The following EPB41L4A variants were observed in gnomAD, a reference collection of about 807,000 sequenced individuals.
The protein encoded by EPB41L4A is erythrocyte membrane protein band 4.1 like 4A, also known as band 4.1-like protein 4A.
Under a neutral mutation model 108.6 loss-of-function variants are expected in EPB41L4A, and 100 were observed. That is an observed-to-expected ratio of 0.92 (90% CI 0.78 to 1.09). EPB41L4A has a LOEUF of 1.09. EPB41L4A is among the 50% of genes least tolerant of loss of function. EPB41L4A has a pLI of 0.00. For missense variants in EPB41L4A, 1,030 were observed against 842.7 expected (o/e 1.22, Z -2.75); for synonymous variants, 319 against 289.0 (o/e 1.10, Z -1.05).
chr5:112,190,423 G>A (rs1761638663), intron 17 of EPB41L4A, among the ~76,000 whole-genome samples: 1 of 152,146 alleles, frequency 6.6e-6, no homozygotes, highest in Admixed American at 6.5e-5. Context: ...ATTTCATGGG[G>A]TTATGAAACC....
rs1320788865 is a variant in EPB41L4A at position 112,154,489 on chromosome 5, C to A, written n.994+3912G>T. 2.0e-5 allele frequency among the ~76,000 whole-genome samples: 3 copies of A among 151,902 alleles called. No homozygotes were observed. In the South Asian group the frequency reaches 6.2e-4, roughly 32 times the overall value. ...AAACATTATCTTAAAATCAAATGCC[C>A]ACAATAAAGAGATAGTTTTTTCTTC... On this transcript the variant is annotated intron_variant and non_coding_transcript_variant, in intron 12 of 13. Coordinates refer to the EPB41L4A transcript ENST00000507810.
intron 13 of EPB41L4A, chr5:112,145,879 A>C (rs973527370): frequency 6.6e-6 from 3 of 455,172 alleles, no homozygotes; most frequent in African/African-American, 6.0e-5. Flanking sequence ...AATTACACTT[A>C]CATCCCAGCC....
At position 112,307,493 on chromosome 5, in the gene EPB41L4A, G is replaced by A; in HGVS notation, c.100-3C>T. The A allele has an allele frequency of 1.2e-6, 2 of 1,603,408 alleles. No individual in the cohort carries two copies. The highest frequency in any genetic ancestry group is 1.7e-6 in the Non-Finnish European group (2 of 1,171,008). On this transcript the variant is annotated splice_polypyrimidine_tract_variant and splice_region_variant and intron_variant, in intron 1 of 22. Transcript: ENST00000261486. ...ACAACGGAACCTTTCGTTGACTTCTGCAAAAATAATTCAGTTTTATATTTT... is the reference window on the plus strand; with the variant it reads ...ACAACGGAACCTTTCGTTGACTTCTACAAAAATAATTCAGTTTTATATTTT...
At chr5:112,221,775 G>T (rs968260451) in intron 12 of EPB41L4A, among the ~76,000 whole-genome samples, 2 of 152,154 alleles carry the variant, frequency 1.3e-5, no homozygotes, top group African/African-American at 4.8e-5. Flanking sequence ...CTAAAGCTGT[G>T]ATTTTAACTT....
At chr5:112,178,225 G>T (rs369170639) in intron 18 of EPB41L4A, among the ~76,000 whole-genome samples, 2 of 152,064 alleles carry the variant, frequency 1.3e-5, no homozygotes, top group African/African-American at 4.8e-5. Context: ...AGTATTGCCA[G>T]AATAAAGGGT....
chr5:112,169,155 G>A, intron 20 of EPB41L4A, 50 bp from the exon 21 acceptor site: 2 of 1,311,456 alleles, frequency 1.5e-6, no homozygotes, highest in South Asian at 1.2e-5. Context: ...AGTCAGAAAA[G>A]GAAAAGTAGG....
chr5:112,410,012 A>G (rs1762318567), intron 1 of EPB41L4A, among the ~76,000 whole-genome samples: 1 of 152,198 alleles, frequency 6.6e-6, no homozygotes, highest in African/African-American at 2.4e-5. Flanking sequence ...AATGAAATGC[A>G]GTCTGGATTA....
intron 1 of EPB41L4A, among the ~76,000 whole-genome samples, chr5:112,327,905 C>T (rs1375969155): frequency 3.3e-5 from 5 of 152,180 alleles, no homozygotes; most frequent in East Asian, 1.9e-4. Context: ...TTCTACCATA[C>T]ATTTTCACTA....
intron 12 of EPB41L4A, among the ~76,000 whole-genome samples, chr5:112,153,588 G>C (rs1327576714): frequency 4.7e-5 from 7 of 149,366 alleles, no homozygotes; most frequent in Admixed American, 3.3e-4. Context: ...GAGAGAGAGA[G>C]AGAGAGAGAG....
chr5:112,306,846 C>T (rs539185972), intron 2 of EPB41L4A, among the ~76,000 whole-genome samples: 48 of 152,270 alleles, frequency 3.2e-4, no homozygotes, highest in Middle Eastern at 3.4e-3. Context: ...TTGTGAACAA[C>T]TGACATAAGA....
At chr5:112,231,450 T>C (rs1314721180) in intron 12 of EPB41L4A, among the ~76,000 whole-genome samples, 2 of 152,186 alleles carry the variant, frequency 1.3e-5, no homozygotes, top group African/African-American at 4.8e-5. Context: ...AATAAGCATG[T>C]GTTTTTGTAA....
chr5:112,266,391 G>T (rs77152091), intron 4 of EPB41L4A, 61 bp from the exon 5 acceptor site: 2 of 1,167,996 alleles, frequency 1.7e-6, no homozygotes, highest in Non-Finnish European at 2.4e-6. Context: ...CTGAGGTTTC[G>T]GACCCTGATA....
intron 1 of EPB41L4A, among the ~76,000 whole-genome samples, chr5:112,313,999 G>A (rs1230373428): frequency 1.3e-5 from 2 of 151,596 alleles, no homozygotes; most frequent in African/African-American, 4.9e-5. Context: ...AAGTAGCTGG[G>A]ACTACAGGTG....
chr5:112,259,189 C>T lies in EPB41L4A; in HGVS notation c.795+40G>A, dbSNP rs1433232123. ...TTAAGCTACAAATGAACACACAAGA[C>T]ACCCCTCTTCTAATTTAAGCTAAGG... On this transcript the variant is annotated intron_variant, in intron 9 of 22. Coordinates refer to ENST00000261486, the MANE Select transcript of EPB41L4A (RefSeq NM_022140.5). The T allele has an allele frequency of 5.6e-6, 8 of 1,440,982 alleles. No homozygotes were observed. In the South Asian group the frequency reaches 9.2e-5, roughly 17 times the overall value. 89.3% of individuals were successfully genotyped at this position (1,440,982 alleles called of 1,614,324 possible). A position where few individuals can be genotyped will look rare whatever the true frequency, so the allele number is the denominator to read the frequency against.
intron 2 of EPB41L4A, among the ~76,000 whole-genome samples, chr5:112,290,563 C>G (rs1224834863): frequency 6.6e-6 from 1 of 152,142 alleles, no homozygotes; most frequent in Non-Finnish European, 1.5e-5. Flanking sequence ...AACCTTAGAT[C>G]TCTGGAAAGT....
chr5:112,415,160 G>T (rs553118661), intron 1 of EPB41L4A, among the ~76,000 whole-genome samples: 1 of 152,000 alleles, frequency 6.6e-6, no homozygotes, highest in South Asian at 2.1e-4. Flanking sequence ...TTAAGCCCTC[G>T]CCTTATGCTT....
chr5:112,332,257 T>C (rs1437828544), intron 1 of EPB41L4A, among the ~76,000 whole-genome samples: 1 of 152,240 alleles, frequency 6.6e-6, no homozygotes, highest in Non-Finnish European at 1.5e-5. Flanking sequence ...CCCATCTTTC[T>C]TTTGTCCACT....
chr5:112,362,020 T>C (rs748133128), intron 1 of EPB41L4A, among the ~76,000 whole-genome samples: 20 of 152,244 alleles, frequency 1.3e-4, no homozygotes, highest in Middle Eastern at 3.2e-3. Flanking sequence ...CTTGGTCTTG[T>C]TGGCAATACC....
intron 3 of EPB41L4A, among the ~76,000 whole-genome samples, chr5:112,277,618 A>G (rs552315314): frequency 1.3e-5 from 2 of 152,324 alleles, no homozygotes; most frequent in East Asian, 1.9e-4. Flanking sequence ...GGAAGAAAAA[A>G]AAGTTTGCTA....
Sources: gnomAD v4.1 joint callset for allele counts (sites outside exome capture counted in the v4.1 genomes callset) on GRCh38, gnomAD v4.1.1 for gene constraint, MANE v1.5 for transcripts, NCBI Gene and HGNC (gene_info 2026-07-23, HGNC 2026-07-21) for gene names.